CNTN5: variants seen among roughly 807,000 people sequenced by gnomAD.
CNTN5 encodes the protein contactin-5.
In CNTN5, 77 loss-of-function variants were observed where a neutral mutation model predicts 129.1. That is an observed-to-expected ratio of 0.60 (90% CI 0.50 to 0.72). CNTN5 has a LOEUF of 0.72. Among genes scored for constraint, CNTN5 ranks in the 30% least tolerant of loss-of-function variants. CNTN5 has a pLI of 0.00. For missense variants in CNTN5, 1,478 were observed against 1,328.8 expected, an observed-to-expected ratio of 1.11 and a Z score of -1.75; for synonymous variants, 509 against 465.6, an observed-to-expected ratio of 1.09 and a Z score of -1.20.
intron 20 of CNTN5, among the ~76,000 whole-genome samples, chr11:100,302,606 C>T (rs776195621): frequency 1.8e-4 from 28 of 151,524 alleles, no homozygotes; most frequent in Non-Finnish European, 3.4e-4. Flanking sequence ...TTTTCACAGC[C>T]GACACCAAGC....
At chr11:100,309,995 C>A (rs1408047513) in intron 21 of CNTN5, among the ~76,000 whole-genome samples, 3 of 151,894 alleles carry the variant, frequency 2.0e-5, no homozygotes, top group African/African-American at 7.2e-5. Flanking sequence ...TGATACAGAG[C>A]CTTGCTGCGT....
intron 4 of CNTN5, 54 bp from the exon 5 acceptor site, chr11:99,844,798 A>G (rs1947628906): frequency 6.5e-7 from 1 of 1,542,502 alleles, no homozygotes; most frequent in African/African-American, 1.4e-5. Flanking sequence ...AAAAAAACAC[A>G]AAATATCTTG....
At chr11:99,227,480 A>G (rs76083981) in intron 1 of CNTN5, among the ~76,000 whole-genome samples, 2 of 152,294 alleles carry the variant, frequency 1.3e-5, no homozygotes, top group East Asian at 1.9e-4. Context: ...CTTCAACTCA[A>G]AAGAATTACT....
In CNTN5 at chr11:99,653,869, C is replaced by A. The variant is rs146041258; in HGVS notation, c.55+97600C>A. On this transcript the variant is annotated intron_variant, in intron 3 of 24. Coordinates refer to ENST00000524871, the MANE Select transcript of CNTN5 (RefSeq NM_014361.4). The stretch of plus-strand genomic sequence containing the variant: ...TTTATAGAATTTTTTTTAATGATTT[C>A]TACAATGGATTGTTAGGCAGCTTCT... Among the ~76,000 whole-genome samples, 810 of 151,714 alleles carry A rather than the reference C, an allele frequency of 5.3e-3. 5 individuals are homozygous for A. Among genetic ancestry groups the A allele is most frequent in the Non-Finnish European group, 9.3e-3 (628 of 67,864 alleles).
chr11:99,954,210 T>A (rs1225416005), intron 7 of CNTN5, among the ~76,000 whole-genome samples: 1 of 152,206 alleles, frequency 6.6e-6, no homozygotes, highest in Non-Finnish European at 1.5e-5. Flanking sequence ...GTAGGGTTCA[T>A]GCAAAAGCAT....
chr11:100,146,807 G>A lies in CNTN5; in HGVS notation c.1581-44319G>A, dbSNP rs553749592. 8.5e-5 allele frequency among the ~76,000 whole-genome samples: 13 copies of A among 152,194 alleles called. No homozygotes were observed. In the South Asian group the frequency reaches 2.3e-3, roughly 27 times the overall value. On this transcript the variant is annotated intron_variant, in intron 13 of 24. Transcript: ENST00000524871. ...TGATTAGGCAAGGTGACTTTTAAAT[G>A]TTGTGAACAATGCATGAACATCTTT...
chr11:99,218,389 A>T (rs1056185417), intron 1 of CNTN5, among the ~76,000 whole-genome samples: 2 of 152,048 alleles, frequency 1.3e-5, no homozygotes, highest in Non-Finnish European at 2.9e-5. Flanking sequence ...ATATTATTTC[A>T]TGCCTTTAAA....
chr11:100,262,553 A>G (rs917650968), intron 17 of CNTN5, among the ~76,000 whole-genome samples: 16 of 152,244 alleles, frequency 1.1e-4, no homozygotes, highest in African/African-American at 3.4e-4. Context: ...ATGCCCATCA[A>G]TGATAGCCTG....
At position 100,193,537 on chromosome 11, in the gene CNTN5, A is replaced by AGAAAG. The variant is rs748254059; in HGVS notation, c.1759_1763dup (p.Ser588ArgfsTer24). The AGAAAG allele has an allele frequency of 1.9e-6, 3 of 1,610,272 alleles. No individual in the cohort carries two copies. Among genetic ancestry groups the AGAAAG allele is most frequent in the Non-Finnish European group, 2.5e-6 (3 of 1,177,842 alleles). ...CTAAAAGAACAGAATTGACAGTGGGAGAAAGCATTGTCCTTAATTGCAAAG... is the reference window on the plus strand; with the variant it reads ...CTAAAAGAACAGAATTGACAGTGGGAGAAAGGAAAGCATTGTCCTTAATTGCAAAG... On this transcript the variant is annotated frameshift_variant, in exon 15 of 25. Coordinates refer to ENST00000524871, the MANE Select transcript of CNTN5 (RefSeq NM_014361.4). LOFTEE classifies it high-confidence loss of function.
chr11:99,524,551 C>T (rs980001564), intron 2 of CNTN5, among the ~76,000 whole-genome samples: 12 of 152,012 alleles, frequency 7.9e-5, no homozygotes, highest in African/African-American at 1.4e-4. Flanking sequence ...GTGGCTCATG[C>T]CTGTAATCCT....
At chr11:99,764,560 G>A (rs1421791451) in intron 3 of CNTN5, among the ~76,000 whole-genome samples, 2 of 152,006 alleles carry the variant, frequency 1.3e-5, no homozygotes, top group Non-Finnish European at 2.9e-5. Flanking sequence ...GGGATTATAG[G>A]CATGCACCAC....
At chr11:100,148,050 G>A (rs1252171729) in intron 13 of CNTN5, among the ~76,000 whole-genome samples, 1 of 152,036 alleles carries the variant, frequency 6.6e-6, no homozygotes, top group East Asian at 1.9e-4. Context: ...CATCTGGAAG[G>A]TTTAGCCAAT....
At chr11:100,309,180 T>C (rs1286010420) in intron 21 of CNTN5, 1 of 984,858 alleles carries the variant, frequency 1.0e-6, no homozygotes, top group Non-Finnish European at 1.2e-6. Flanking sequence ...AAAAAAGAAT[T>C]AGCATCTGAC....
At chr11:99,646,797 AAT>A (rs982193990) in intron 3 of CNTN5, among the ~76,000 whole-genome samples, 6 of 143,154 alleles carry the variant, frequency 4.2e-5, no homozygotes, top group African/African-American at 1.5e-4. Flanking sequence ...GCACTTCATC[AAT>A]GTCAATTCTT....
intron 15 of CNTN5, among the ~76,000 whole-genome samples, chr11:100,196,217 C>A (rs1948634762): frequency 6.6e-6 from 1 of 151,954 alleles, no homozygotes; most frequent in South Asian, 2.1e-4. Flanking sequence ...TGGGACAGAA[C>A]CCTGCCAGTG....
chr11:99,827,254 ATTTTTGTGTT>A (rs1463849986), intron 4 of CNTN5, among the ~76,000 whole-genome samples: 27 of 151,814 alleles, frequency 1.8e-4, no homozygotes, highest in Admixed American at 1.8e-3. Flanking sequence ...CACTCAGCTA[ATTTTTGTGTT>A]TTTTGGTAGA....
chr11:99,904,319 G>A (rs1949437538), intron 6 of CNTN5, among the ~76,000 whole-genome samples: 1 of 151,762 alleles, frequency 6.6e-6, no homozygotes, highest in South Asian at 2.1e-4. Flanking sequence ...AGGTCCCAGT[G>A]TGTGATGTTC....
chr11:99,752,534 C>G, intron 3 of CNTN5, among the ~76,000 whole-genome samples: 1 of 152,052 alleles, frequency 6.6e-6, no homozygotes, highest in East Asian at 1.9e-4. Context: ...AATAAGAAAC[C>G]ATAAATGAAG....
intron 7 of CNTN5, among the ~76,000 whole-genome samples, chr11:99,930,462 T>C (rs944598401): frequency 1.3e-5 from 2 of 152,094 alleles, no homozygotes; most frequent in Admixed American, 1.3e-4. Context: ...TTCCTTCCCC[T>C]CGTGCCAGTC....
Sources: gnomAD v4.1 joint callset for allele counts (sites outside exome capture counted in the v4.1 genomes callset) on GRCh38, gnomAD v4.1.1 for gene constraint, MANE v1.5 for transcripts, NCBI Gene and HGNC (gene_info 2026-07-23, HGNC 2026-07-21) for gene names.